MDGA2: variants seen among roughly 807,000 people sequenced by gnomAD.
The protein encoded by MDGA2 is MAM domain containing glycosylphosphatidylinositol anchor 2.
In MDGA2, 40 loss-of-function variants were observed where a neutral mutation model predicts 117.8. The observed-to-expected ratio is 0.34, with a 90% CI of 0.26 to 0.44. MDGA2 has a LOEUF of 0.44. MDGA2 is among the 20% of genes least tolerant of loss of function. The pLI is 1.00. For synonymous variants in MDGA2, 452 were observed against 439.0 expected (o/e 1.03, Z -0.37); for missense variants, 1,123 against 1,250.6 (o/e 0.90, Z 1.54).
chr14:47,059,299 C>T, intron 7 of MDGA2: 8 of 1,265,474 alleles, frequency 6.3e-6, no homozygotes, highest in South Asian at 1.2e-5. Flanking sequence ...GAAACCACAT[C>T]TATCTGTAGT....
At chr14:47,104,094 A>G (rs550068137) in intron 5 of MDGA2, among the ~76,000 whole-genome samples, 14 of 152,290 alleles carry the variant, frequency 9.2e-5, no homozygotes, top group Non-Finnish European at 1.3e-4. Flanking sequence ...CTTGACTGGG[A>G]TATTTATGTC....
intron 3 of MDGA2, among the ~76,000 whole-genome samples, chr14:47,192,002 C>T (rs1310706628): frequency 4.6e-5 from 7 of 152,128 alleles, no homozygotes; most frequent in Non-Finnish European, 8.8e-5. Context: ...CTGGAGAAAA[C>T]AACCACCCCA....
At chr14:47,585,573 C>T (rs959878584) in intron 1 of MDGA2, among the ~76,000 whole-genome samples, 1 of 151,816 alleles carries the variant, frequency 6.6e-6, no homozygotes, top group African/African-American at 2.4e-5. Context: ...AGTTAAGAGT[C>T]TCTCAGGTGC....
chr14:46,982,738 C>CAAAAAAAAAAAAAAA (rs1566558888), intron 8 of MDGA2, among the ~76,000 whole-genome samples: 1 of 120,268 alleles, frequency 8.3e-6, no homozygotes. Context: ...AAAAAAAAAT[C>CAAAAAAAAAAAAAAA]ATGTCATCTG....
At chr14:47,627,942 G>A (rs1406322567) in intron 1 of MDGA2, among the ~76,000 whole-genome samples, 2 of 152,038 alleles carry the variant, frequency 1.3e-5, no homozygotes, top group African/African-American at 2.4e-5. Context: ...CTCCGGACAC[G>A]CCACCTTTAA....
intron 1 of MDGA2, among the ~76,000 whole-genome samples, chr14:47,492,412 A>G (rs759901254): frequency 1.3e-5 from 2 of 152,130 alleles, no homozygotes; most frequent in Non-Finnish European, 2.9e-5. Flanking sequence ...TCAGACAGAT[A>G]TCACACTCTC....
rs1555336022 is a variant in MDGA2, at chr14:47,609,428, C to CATATATATATATATACATATATATATAT, written c.280+65088_280+65089insATATATATATATGTATATATATATATAT. On this transcript the variant is annotated intron_variant, in intron 1 of 16. Coordinates refer to ENST00000399232, the MANE Select transcript of MDGA2 (RefSeq NM_001113498.3). The stretch of plus-strand genomic sequence containing the variant: ...TTTCTATGGCTGAGTAGTATTCCAT[C>CATATATATATATATACATATATATATAT]ATATATATATATATATATATATATA... 3.8e-3 allele frequency among the ~76,000 whole-genome samples: 67 copies of CATATATATATATATACATATATATATAT among 17,562 alleles called. 11 individuals carry two copies. The highest frequency in any genetic ancestry group is 4.9e-3 in the Non-Finnish European group (35 of 7,202). 11.5% of individuals were successfully genotyped at this position (17,562 alleles called of 152,430 possible).
rs190914403 is a variant in MDGA2, at chr14:47,284,253, A to T, written c.420+17158T>A. On this transcript the variant is annotated intron_variant, in intron 2 of 16. Transcript: ENST00000399232. The stretch of plus-strand genomic sequence containing the variant: ...ATTTGGAATAGAGACATGCAAAGTC[A>T]GCTTAATGAAGCCAAATTGTTAACA... Among the ~76,000 whole-genome samples, 397 of 152,336 alleles carry T rather than the reference A, an allele frequency of 2.6e-3. 3 individuals are homozygous for T. Among genetic ancestry groups the T allele is most frequent in the African/African-American group, 9.3e-3 (386 of 41,584 alleles).
intron 8 of MDGA2, among the ~76,000 whole-genome samples, chr14:46,973,034 C>G (rs1348956465): frequency 6.6e-6 from 1 of 152,078 alleles, no homozygotes. Context: ...TGCATGATGT[C>G]ATCAAGGAAA....
chr14:47,225,786 C>T (rs547830970), intron 2 of MDGA2, among the ~76,000 whole-genome samples: 11 of 151,426 alleles, frequency 7.3e-5, no homozygotes, highest in Non-Finnish European at 1.6e-4. Flanking sequence ...ACATTGTGCA[C>T]ATGTACCCTA....
intron 8 of MDGA2, among the ~76,000 whole-genome samples, chr14:47,004,068 A>G (rs149179053): frequency 3.3e-5 from 5 of 152,120 alleles, no homozygotes; most frequent in African/African-American, 1.2e-4. Flanking sequence ...TGAAAGATAT[A>G]TATTCAGAAT....
intron 9 of MDGA2, among the ~76,000 whole-genome samples, chr14:46,947,645 CTT>C (rs1411799246): frequency 6.6e-6 from 1 of 152,036 alleles, no homozygotes; most frequent in East Asian, 1.9e-4. Context: ...CCCTCTCTCT[CTT>C]TGCCTGCTGC....
chr14:47,529,456 C>T (rs1594901418), intron 1 of MDGA2, among the ~76,000 whole-genome samples: 1 of 151,946 alleles, frequency 6.6e-6, no homozygotes, highest in South Asian at 2.1e-4. Context: ...AAGTATCCCC[C>T]CCCTCAGGTA....
chr14:47,280,525 A>C (rs553667044), intron 2 of MDGA2, among the ~76,000 whole-genome samples: 1 of 152,168 alleles, frequency 6.6e-6, no homozygotes, highest in Admixed American at 6.5e-5. Flanking sequence ...TTTTCTAGAT[A>C]TTTAGCTTGC....
rs923907839 is a variant in MDGA2 at position 47,030,577 on chromosome 14, T to C, written c.1819+4434A>G. On this transcript the variant is annotated intron_variant, in intron 8 of 16. Coordinates refer to ENST00000399232, the MANE Select transcript of MDGA2 (RefSeq NM_001113498.3). ...TGTTCAGTAAGCTCTATACATACTA[T>C]GATTTTTAAATACTATGAATAAATT... is the stretch of plus-strand genomic sequence containing the variant. Among the ~76,000 whole-genome samples the C allele has an allele frequency of 5.9e-5, 9 of 152,240 alleles. No homozygotes were observed. The South Asian group carries it at 1.0e-3, about 18-fold the overall frequency.
chr14:47,495,298 G>A (rs553752865), intron 1 of MDGA2, among the ~76,000 whole-genome samples: 1 of 152,024 alleles, frequency 6.6e-6, no homozygotes, highest in Non-Finnish European at 1.5e-5. Context: ...GGTGGCATGA[G>A]GGGAAAAATA....
chr14:47,457,024 T>C (rs1387346024), intron 1 of MDGA2, among the ~76,000 whole-genome samples: 1 of 152,208 alleles, frequency 6.6e-6, no homozygotes, highest in Non-Finnish European at 1.5e-5. Flanking sequence ...CTGGCTGAAC[T>C]TGGTGTTAGA....
chr14:47,173,682 C>A (rs896331126), intron 3 of MDGA2, among the ~76,000 whole-genome samples: 1 of 152,266 alleles, frequency 6.6e-6, no homozygotes, highest in Non-Finnish European at 1.5e-5. Context: ...CCGGTACCAG[C>A]CACTGCAAAA....
At chr14:47,271,442 G>A (rs1430972401) in intron 2 of MDGA2, among the ~76,000 whole-genome samples, 2 of 152,156 alleles carry the variant, frequency 1.3e-5, no homozygotes, top group Non-Finnish European at 2.9e-5. Flanking sequence ...TCTAAAATGT[G>A]GTTCCAGGTT....
Sources: allele counts gnomAD v4.1 joint callset (sites outside exome capture counted in the v4.1 genomes callset), GRCh38; gene constraint gnomAD v4.1.1; transcripts MANE v1.5; gene names NCBI Gene and HGNC (gene_info 2026-07-23, HGNC 2026-07-21).